The following ADAM23 variants were observed in gnomAD, a reference collection of about 807,000 sequenced individuals.
ADAM23 encodes the protein disintegrin and metalloproteinase domain-containing protein 23.
Under a neutral mutation model 120.1 loss-of-function variants are expected in ADAM23, and 33 were observed. The observed-to-expected ratio is 0.27, with a 90% CI of 0.21 to 0.37. The LOEUF (loss-of-function observed/expected upper bound fraction) is 0.37. Ranked by LOEUF, ADAM23 falls within the 10% of genes least tolerant of loss-of-function variation. The pLI is 1.00. For missense variants in ADAM23, 862 were observed against 1,058.2 expected (o/e 0.81, Z 2.57); for synonymous variants, 367 against 375.2 (o/e 0.98, Z 0.25).
intron 3 of ADAM23, among the ~76,000 whole-genome samples, chr2:206,525,832 C>T (rs972508605): frequency 2.6e-5 from 4 of 151,948 alleles, no homozygotes; most frequent in African/African-American, 7.3e-5. Context: ...CCCTGTGATC[C>T]GCCTGCCTCA....
At chr2:206,467,882 C>T (rs138632677) in intron 2 of ADAM23, among the ~76,000 whole-genome samples, 2 of 152,286 alleles carry the variant, frequency 1.3e-5, no homozygotes, top group East Asian at 3.9e-4. Flanking sequence ...ATATTCTGTG[C>T]ACCGGCAGGC....
chr2:206,611,416 G>A (rs1378412924), intron 25 of ADAM23, among the ~76,000 whole-genome samples: 2 of 151,138 alleles, frequency 1.3e-5, no homozygotes, highest in Non-Finnish European at 3.0e-5. Context: ...CGTTTGGGCG[G>A]ACCTAATTCA....
In ADAM23 at chr2:206,587,268, C is replaced by T. The variant is rs939129418; in HGVS notation, c.1738-57C>T. 7 of 1,327,638 alleles carry T rather than the reference C, an allele frequency of 5.3e-6. No homozygotes were observed. The African/African-American group carries it at 7.3e-5, about 14-fold the overall frequency. 82.2% of individuals were successfully genotyped at this position (1,327,638 alleles called of 1,614,324 possible). A position where few individuals can be genotyped will look rare whatever the true frequency, so the allele number is the denominator to read the frequency against. ...ATGCTTGCATTATATATAGTATGTA[C>T]ATTATCTGAAGGTACCTAGCATGCT... On this transcript the variant is annotated intron_variant, in intron 18 of 25. Transcript: ENST00000264377.
intron 18 of ADAM23, among the ~76,000 whole-genome samples, chr2:206,578,617 CATTGATTGATGG>C (rs1698164556): frequency 6.6e-6 from 1 of 152,016 alleles, no homozygotes; most frequent in Non-Finnish European, 1.5e-5. Context: ...TTTATCCACT[CATTGATTGATGG>C]GCATTTGGGT....
intron 2 of ADAM23, among the ~76,000 whole-genome samples, chr2:206,446,393 T>C (rs967062979): frequency 2.6e-5 from 4 of 152,244 alleles, no homozygotes; most frequent in African/African-American, 9.6e-5. Flanking sequence ...GTATGTTAAA[T>C]GTTTCATTTT....
intron 3 of ADAM23, among the ~76,000 whole-genome samples, chr2:206,523,069 C>T (rs568247018): frequency 6.6e-5 from 10 of 152,144 alleles, no homozygotes; most frequent in Non-Finnish European, 1.5e-4. Context: ...GCTGATCAAG[C>T]CAGCTGAGTG....
At chr2:206,539,875 A>G (rs1467196080) in intron 4 of ADAM23, among the ~76,000 whole-genome samples, 1 of 152,216 alleles carries the variant, frequency 6.6e-6, no homozygotes. Context: ...AAATCCTCTA[A>G]TACTGCTAGT....
At chr2:206,575,752 C>T (rs146707022) in intron 18 of ADAM23, among the ~76,000 whole-genome samples, 5 of 152,176 alleles carry the variant, frequency 3.3e-5, no homozygotes, top group East Asian at 1.9e-4. Context: ...ATGTATGGCA[C>T]GGGGAGCAAT....
chr2:206,549,770 T>C (rs949861186), intron 8 of ADAM23, among the ~76,000 whole-genome samples: 4 of 152,114 alleles, frequency 2.6e-5, no homozygotes, highest in Non-Finnish European at 4.4e-5. Context: ...GAGATTTATT[T>C]ATTTTAACAT....
chr2:206,521,640 T>G (rs965070727), intron 3 of ADAM23, among the ~76,000 whole-genome samples: 1 of 152,220 alleles, frequency 6.6e-6, no homozygotes, highest in African/African-American at 2.4e-5. Context: ...TATATAAACA[T>G]ACTTCTAAAA....
In ADAM23 at chr2:206,547,847, A is replaced by G. The variant is rs532227335; in HGVS notation, c.793+346A>G. 3.3e-5 allele frequency among the ~76,000 whole-genome samples: 5 copies of G among 152,296 alleles called. No homozygotes were observed. In the East Asian group the frequency reaches 9.6e-4, roughly 29 times the overall value. ...GCCTCCCTCTCATGCTCTGCTCCAG[A>G]CACATCTTAAGTGTGCTAATGTTGG... On this transcript the variant is annotated intron_variant, in intron 7 of 25. Coordinates refer to ENST00000264377, the MANE Select transcript of ADAM23 (RefSeq NM_003812.4).
At chr2:206,539,893 T>C (rs1697255634) in intron 4 of ADAM23, among the ~76,000 whole-genome samples, 1 of 152,200 alleles carries the variant, frequency 6.6e-6, no homozygotes, top group South Asian at 2.1e-4. Flanking sequence ...AGTACTAATA[T>C]TAAATTGGAA....
intron 2 of ADAM23, among the ~76,000 whole-genome samples, chr2:206,471,082 T>C (rs998917584): frequency 2.0e-5 from 3 of 152,140 alleles, no homozygotes; most frequent in Admixed American, 2.0e-4. Flanking sequence ...TCAACAAGGA[T>C]CAGTGAATCG....
intron 5 of ADAM23, 77 bp from the exon 6 acceptor site, chr2:206,543,175 TA>T: frequency 8.0e-7 from 1 of 1,244,684 alleles, no homozygotes; most frequent in Non-Finnish European, 1.2e-6. Context: ...GAAGACACAA[TA>T]ATGAAGCTCA....
intron 8 of ADAM23, among the ~76,000 whole-genome samples, chr2:206,549,050 A>C (rs910646787): frequency 6.6e-6 from 1 of 152,066 alleles, no homozygotes; most frequent in Non-Finnish European, 1.5e-5. Context: ...GGTGAATGCT[A>C]TGTAACTGAG....
intron 7 of ADAM23, 110 bp from the exon 8 acceptor site, chr2:206,548,171 C>T: frequency 2.1e-6 from 2 of 933,034 alleles, no homozygotes; most frequent in East Asian, 2.5e-5. Flanking sequence ...CTTTTTTTCA[C>T]CTTAGTTTGA....
Position 206,564,789 on chromosome 2 carries a change from A to G in ADAM23, c.1346-231A>G, listed in dbSNP as rs182890326. 1.1e-3 allele frequency among the ~76,000 whole-genome samples: 174 copies of G among 152,338 alleles called. No homozygotes were observed. The Middle Eastern group carries it at 0.017, about 15-fold the overall frequency. Reference sequence around the variant, plus strand: ...TTACAAAAATAATGAAGAGAGGCACAATATTACTTCTTGCCAGCTGTTTTC... The same window carrying G: ...TTACAAAAATAATGAAGAGAGGCACGATATTACTTCTTGCCAGCTGTTTTC... On this transcript the variant is annotated intron_variant, in intron 13 of 25. Transcript: ENST00000264377.
chr2:206,475,242 A>T (rs1249611436), intron 2 of ADAM23, among the ~76,000 whole-genome samples: 1 of 152,188 alleles, frequency 6.6e-6, no homozygotes, highest in Non-Finnish European at 1.5e-5. Context: ...CATAACACAA[A>T]CCTGTGCAAT....
chr2:206,565,287 T>A (rs1221390706), intron 14 of ADAM23, among the ~76,000 whole-genome samples: 1 of 152,224 alleles, frequency 6.6e-6, no homozygotes, highest in Non-Finnish European at 1.5e-5. Context: ...TACCTTCTAC[T>A]TCTTATTAAC....
Sources: allele counts gnomAD v4.1 joint callset (sites outside exome capture counted in the v4.1 genomes callset), GRCh38; gene constraint gnomAD v4.1.1; transcripts MANE v1.5; gene names NCBI Gene and HGNC (gene_info 2026-07-23, HGNC 2026-07-21).